Variants in ROBO1 observed in about 807,000 individuals in gnomAD.
ROBO1 encodes the protein roundabout guidance receptor 1, also known as roundabout homolog 1.
In ROBO1, 149 loss-of-function variants were observed where a neutral mutation model predicts 195.9. The ratio of observed to expected loss-of-function variants is 0.76; its 90% CI spans 0.67 to 0.87. The LOEUF (loss-of-function observed/expected upper bound fraction) is 0.87, where lower values mean the gene tolerates loss of function less well. Ranked by LOEUF, ROBO1 falls within the 40% of genes least tolerant of loss-of-function variation. The pLI is 0.00. For synonymous variants in ROBO1, 816 were observed against 733.2 expected, an observed-to-expected ratio of 1.11 and a Z score of -1.82; for missense variants, 1,933 against 2,068.3, an observed-to-expected ratio of 0.93 and a Z score of 1.27.
chr3:79,286,136 G>A (rs2031868942), intron 2 of ROBO1, among the ~76,000 whole-genome samples: 1 of 152,278 alleles, frequency 6.6e-6, no homozygotes, highest in South Asian at 2.1e-4. Context: ...CCCAAAGTAA[G>A]TGCTATAAAC....
chr3:78,639,938 TAG>T (rs1705834282), intron 21 of ROBO1, 40 bp from the exon 22 acceptor site: 1 of 1,429,660 alleles, frequency 7.0e-7, no homozygotes, highest in Non-Finnish European at 9.4e-7. Context: ...GTTATATGAA[TAG>T]AGAGTAATAT....
chr3:78,665,437 A>C (rs750138491), intron 14 of ROBO1, among the ~76,000 whole-genome samples: 4 of 152,154 alleles, frequency 2.6e-5, no homozygotes, highest in Non-Finnish European at 5.9e-5. Context: ...ACCCAAGTTC[A>C]AGTACCAGAC....
rs562160187 is a variant in ROBO1, at chr3:79,271,459, T to C, written c.89-145920A>G. The stretch of plus-strand genomic sequence containing the variant: ...CTTTGCCTTAAGTGGTTTACATACA[T>C]TTTTATACTGGAAAATATTAGACTA... On this transcript the variant is annotated intron_variant, in intron 2 of 30. Transcript: ENST00000464233. Among the ~76,000 whole-genome samples, 170 of 152,102 alleles carry C rather than the reference T, an allele frequency of 1.1e-3. 1 individual carries two copies. The Middle Eastern group carries it at 0.02, about 18-fold the overall frequency.
intron 4 of ROBO1, among the ~76,000 whole-genome samples, chr3:78,768,161 A>G (rs546968495): frequency 2.6e-5 from 4 of 151,794 alleles, no homozygotes; most frequent in Admixed American, 6.6e-5. Flanking sequence ...TAAAATTTCC[A>G]TCTTGATTTC....
intron 3 of ROBO1, among the ~76,000 whole-genome samples, chr3:79,012,466 T>C (rs886951254): frequency 1.3e-5 from 2 of 152,188 alleles, no homozygotes; most frequent in African/African-American, 4.8e-5. Flanking sequence ...TCTATCCACT[T>C]TCCCCTCAAA....
At chr3:78,790,623 T>C (rs2083988903) in intron 4 of ROBO1, among the ~76,000 whole-genome samples, 1 of 152,164 alleles carries the variant, frequency 6.6e-6, no homozygotes, top group Admixed American at 6.5e-5. Context: ...CTTTTAATAT[T>C]TGTATCAGTA....
intron 2 of ROBO1, among the ~76,000 whole-genome samples, chr3:79,297,678 A>G (rs1576939314): frequency 6.6e-6 from 1 of 152,280 alleles, no homozygotes; most frequent in East Asian, 1.9e-4. Context: ...ACAAAATACC[A>G]TTTCTCCAAA....
chr3:79,327,978 A>G (rs911171822), intron 2 of ROBO1, among the ~76,000 whole-genome samples: 10 of 152,222 alleles, frequency 6.6e-5, no homozygotes, highest in Admixed American at 6.5e-4. Flanking sequence ...CATAATGAGT[A>G]AATTCCAGCT....
chr3:78,819,406 T>C (rs1175191257), intron 4 of ROBO1, among the ~76,000 whole-genome samples: 1 of 151,684 alleles, frequency 6.6e-6, no homozygotes. Flanking sequence ...ACTAATTTCT[T>C]TGTAGAATAT....
At chr3:79,283,799 G>A (rs1008515101) in intron 2 of ROBO1, among the ~76,000 whole-genome samples, 7 of 150,892 alleles carry the variant, frequency 4.6e-5, no homozygotes, top group African/African-American at 9.8e-5. Flanking sequence ...CCGGGTTCAC[G>A]CCATTCTCCT....
intron 4 of ROBO1, among the ~76,000 whole-genome samples, chr3:78,773,660 C>A (rs2083433472): frequency 6.6e-6 from 1 of 152,044 alleles, no homozygotes; most frequent in South Asian, 2.1e-4. Flanking sequence ...GAAAAAAAGA[C>A]ACTTTGTGAT....
intron 1 of ROBO1, among the ~76,000 whole-genome samples, chr3:79,608,144 A>G (rs1944548078): frequency 6.6e-6 from 1 of 151,988 alleles, no homozygotes; most frequent in Non-Finnish European, 1.5e-5. Context: ...ATGTGCTTAC[A>G]AGTTCGTCGT....
At chr3:79,742,224 T>C (rs1703677233) in intron 1 of ROBO1, among the ~76,000 whole-genome samples, 1 of 152,108 alleles carries the variant, frequency 6.6e-6, no homozygotes, top group South Asian at 2.1e-4. Flanking sequence ...TTGGAGAAAA[T>C]GCCTCCAAGA....
intron 4 of ROBO1, among the ~76,000 whole-genome samples, chr3:78,842,665 G>T (rs2106763233): frequency 6.7e-6 from 1 of 150,014 alleles, no homozygotes; most frequent in South Asian, 2.1e-4. Context: ...TAAAGGGAAT[G>T]TACATTAAAA....
At chr3:79,661,226 G>A (rs77394733) in intron 1 of ROBO1, among the ~76,000 whole-genome samples, 1 of 152,200 alleles carries the variant, frequency 6.6e-6, no homozygotes, top group Non-Finnish European at 1.5e-5. Flanking sequence ...GGTAGATCAT[G>A]CACATTCTTG....
intron 2 of ROBO1, among the ~76,000 whole-genome samples, chr3:79,243,280 G>A (rs550979742): frequency 6.6e-6 from 1 of 152,140 alleles, no homozygotes; most frequent in East Asian, 1.9e-4. Flanking sequence ...TGTGAATAGT[G>A]CCGCTATAAA....
At chr3:78,791,036 T>C (rs987597039) in intron 4 of ROBO1, among the ~76,000 whole-genome samples, 1 of 152,180 alleles carries the variant, frequency 6.6e-6, no homozygotes, top group Non-Finnish European at 1.5e-5. Context: ...ACCCTAGAGC[T>C]AGCGAGAGGA....
intron 2 of ROBO1, among the ~76,000 whole-genome samples, chr3:79,461,654 T>C (rs1413394713): frequency 1.3e-5 from 2 of 152,150 alleles, no homozygotes; most frequent in Non-Finnish European, 2.9e-5. Context: ...TGACACATAA[T>C]GAAATGTTTG....
At chr3:79,379,722 A>G (rs2036506345) in intron 2 of ROBO1, among the ~76,000 whole-genome samples, 1 of 152,214 alleles carries the variant, frequency 6.6e-6, no homozygotes, top group Admixed American at 6.5e-5. Flanking sequence ...TAATACTTCC[A>G]TAGAAATTAA....
Sources: gnomAD v4.1 joint callset for allele counts (sites outside exome capture counted in the v4.1 genomes callset) on GRCh38, gnomAD v4.1.1 for gene constraint, MANE v1.5 for transcripts, NCBI Gene and HGNC (gene_info 2026-07-23, HGNC 2026-07-21) for gene names.